SLC38A11: variants seen among roughly 807,000 people sequenced by gnomAD.
SLC38A11 encodes solute carrier family 38 member 11.
Under a neutral mutation model 49.4 loss-of-function variants are expected in SLC38A11, and 51 were observed. That is an observed-to-expected ratio of 1.03 (90% CI 0.83 to 1.30). The LOEUF (loss-of-function observed/expected upper bound fraction) is 1.30, where lower values mean the gene tolerates loss of function less well. Ranked by LOEUF, SLC38A11 falls within the 50% of genes most tolerant of loss-of-function variation. SLC38A11 has a pLI of 0.00. For missense variants in SLC38A11, 574 were observed against 556.2 expected, an observed-to-expected ratio of 1.03 and a Z score of -0.32; for synonymous variants, 203 against 192.9, an observed-to-expected ratio of 1.05 and a Z score of -0.43.
In SLC38A11 at chr2:164,939,563, C is replaced by T; in HGVS notation, c.431-7G>A. 5 of 1,573,654 alleles carry T rather than the reference C, an allele frequency of 3.2e-6. No individual in the cohort carries two copies. Among genetic ancestry groups the T allele is most frequent in the South Asian group, 2.2e-5 (2 of 89,416 alleles). ...AACACGTTTTCAGGATCAACTAAAA[C>T]ACAATAAATATTATTAAATGTTACA... On this transcript the variant is annotated splice_region_variant and splice_polypyrimidine_tract_variant and intron_variant, in intron 5 of 11. Coordinates refer to ENST00000685975, the MANE Select transcript of SLC38A11 (RefSeq NM_001351537.2).
chr2:164,929,322 T>G (rs1686821562), intron 7 of SLC38A11, among the ~76,000 whole-genome samples: 1 of 152,092 alleles, frequency 6.6e-6, no homozygotes, highest in Non-Finnish European at 1.5e-5. Context: ...TTATTTCAAG[T>G]GCTTTAGTTG....
At chr2:164,927,666 G>A (rs56199066) in intron 7 of SLC38A11, among the ~76,000 whole-genome samples, 11,139 of 151,812 alleles carry the variant, frequency 0.073, 442 homozygotes, top group Admixed American at 0.1. Context: ...CCAACTTCCC[G>A]TCCCCCATGT....
intron 3 of SLC38A11, among the ~76,000 whole-genome samples, chr2:164,947,481 G>T (rs1688217820): frequency 6.6e-6 from 1 of 151,960 alleles, no homozygotes; most frequent in South Asian, 2.1e-4. Context: ...TTATGCTGTG[G>T]TTGCAATTTT....
At chr2:164,928,215 C>G (rs1011509183) in intron 7 of SLC38A11, among the ~76,000 whole-genome samples, 1 of 152,206 alleles carries the variant, frequency 6.6e-6, no homozygotes, top group Non-Finnish European at 1.5e-5. Context: ...ACCACTAGCT[C>G]TAACAGTGAG....
chr2:164,950,662 TCAA>T (rs1269848540), intron 3 of SLC38A11, among the ~76,000 whole-genome samples: 3 of 152,192 alleles, frequency 2.0e-5, no homozygotes, highest in African/African-American at 7.2e-5. Context: ...TTTATGTTAA[TCAA>T]CAAATTTGAA....
chr2:164,940,960 T>C (rs572094501), intron 5 of SLC38A11, among the ~76,000 whole-genome samples: 1 of 152,032 alleles, frequency 6.6e-6, no homozygotes, highest in African/African-American at 2.4e-5. Context: ...ACCAAATTAT[T>C]TGTGTATCTA....
At chr2:164,941,029 C>T (rs915123396) in intron 5 of SLC38A11, among the ~76,000 whole-genome samples, 2 of 151,914 alleles carry the variant, frequency 1.3e-5, no homozygotes, top group Admixed American at 6.6e-5. Context: ...GCTAGATAAA[C>T]GCTGACACAG....
chr2:164,952,753 C>A lies in SLC38A11; in HGVS notation c.183G>T (p.Gly61=). 6.2e-7 allele frequency: 1 copy of A among 1,606,508 alleles called. No homozygotes were observed. Among genetic ancestry groups the A allele is most frequent in the African/African-American group, 1.3e-5 (1 of 74,286 alleles). The change falls in exon 3 of 12, where the codon GGG becomes GGT. Residue 61 remains glycine, a synonymous_variant. Coordinates refer to ENST00000685975, the MANE Select transcript of SLC38A11 (RefSeq NM_001351537.2). ...ATAAAAGCAATATTCCCAAAGGAAA[C>A]CCAGCTTGCTTCATTGAATAAGGCA... ...IGLPYSMKQA[G]FPLGILLLFW... is the part of the protein sequence containing the mutation.
At chr2:164,935,208 T>C (rs1178470748) in intron 7 of SLC38A11, among the ~76,000 whole-genome samples, 2 of 151,868 alleles carry the variant, frequency 1.3e-5, no homozygotes, top group African/African-American at 4.8e-5. Context: ...AGTAAGCCCT[T>C]TGTCCATTGT....
At chr2:164,900,320 T>C (rs1299741902) in intron 11 of SLC38A11, among the ~76,000 whole-genome samples, 2 of 152,050 alleles carry the variant, frequency 1.3e-5, no homozygotes, top group African/African-American at 2.4e-5. Context: ...ATACCCAGAA[T>C]AGAGATTCCT....
At chr2:164,919,115 T>C (rs901111172) in intron 7 of SLC38A11, among the ~76,000 whole-genome samples, 3 of 152,064 alleles carry the variant, frequency 2.0e-5, no homozygotes, top group African/African-American at 7.2e-5. Flanking sequence ...GGCAGAAGGA[T>C]TGCTTTGAGT....
intron 7 of SLC38A11, among the ~76,000 whole-genome samples, chr2:164,921,257 G>A (rs558335168): frequency 1.3e-5 from 2 of 152,052 alleles, no homozygotes; most frequent in South Asian, 4.2e-4. Flanking sequence ...TTTGGTAGGA[G>A]GCTACTCTAT....
At chr2:164,906,370 C>G (rs2105449230) in intron 11 of SLC38A11, among the ~76,000 whole-genome samples, 1 of 152,262 alleles carries the variant, frequency 6.6e-6, no homozygotes, top group East Asian at 1.9e-4. Flanking sequence ...CATCTTGTGT[C>G]TAAGAATATT....
At chr2:164,920,115 A>T (rs1468437966) in intron 7 of SLC38A11, among the ~76,000 whole-genome samples, 4 of 152,082 alleles carry the variant, frequency 2.6e-5, no homozygotes. Context: ...CTGTACTAAA[A>T]ATACAAAAAT....
At chr2:164,908,333 AT>A (rs1460043765) in intron 11 of SLC38A11, among the ~76,000 whole-genome samples, 10 of 152,074 alleles carry the variant, frequency 6.6e-5, no homozygotes, top group Non-Finnish European at 1.5e-5. Flanking sequence ...GGATCAGATA[AT>A]TTTTTGCTGT....
In SLC38A11 at chr2:164,937,385, A is replaced by G; in HGVS notation, c.582T>C (p.Ile194=). ...STGLTTLILG[I]VMARAISLGP... Reference sequence around the variant, plus strand: ...CCAGTGAAATTGCCCTTGCCATTACAATTCCAAGAATCAGAGTTGTTAAAC... The same window carrying G: ...CCAGTGAAATTGCCCTTGCCATTACGATTCCAAGAATCAGAGTTGTTAAAC... The change falls in exon 7 of 12, where the codon ATT becomes ATC. Residue 194 remains isoleucine, a synonymous_variant. Coordinates refer to ENST00000685975, the MANE Select transcript of SLC38A11 (RefSeq NM_001351537.2). 6.2e-7 allele frequency: 1 copy of G among 1,612,202 alleles called. No individual in the cohort carries two copies. Among genetic ancestry groups the G allele is most frequent in the Non-Finnish European group, 8.5e-7 (1 of 1,178,574 alleles).
intron 11 of SLC38A11, among the ~76,000 whole-genome samples, chr2:164,900,480 G>C (rs571654778): frequency 6.6e-6 from 1 of 151,886 alleles, no homozygotes; most frequent in Non-Finnish European, 1.5e-5. Flanking sequence ...TGGTCTTTTT[G>C]ATCATAGCCA....
rs138491284 is a variant in SLC38A11, at chr2:164,939,509, A to G, written c.478T>C (p.Ser160Pro). 420 of 1,610,878 alleles carry G rather than the reference A, an allele frequency of 2.6e-4. No homozygotes were observed. In the Middle Eastern group the frequency reaches 4.8e-3, roughly 18 times the overall value. The part of the protein sequence containing the change: ...FIGRHFIIGL[S>P]TVTFTLPLSL... ...AAAGGCAGAGTAAAGGTAACTGTGG[A>G]AAGTCCAATAATGAAGTGGCGACCA... is the stretch of plus-strand genomic sequence containing the variant. The change falls in exon 6 of 12, where the codon TCC becomes CCC. Residue 160 changes from serine (S) to proline (P), a missense_variant. Physicochemically the swap from Ser to Pro is moderately conservative, Grantham distance 74. Transcript: ENST00000685975.
intron 3 of SLC38A11, among the ~76,000 whole-genome samples, chr2:164,951,920 G>C (rs893277086): frequency 2.0e-5 from 3 of 152,134 alleles, no homozygotes; most frequent in Non-Finnish European, 4.4e-5. Flanking sequence ...GCACTAGCTG[G>C]TAAAAGGGCA....
Sources: allele counts gnomAD v4.1 joint callset (sites outside exome capture counted in the v4.1 genomes callset), GRCh38; gene constraint gnomAD v4.1.1; transcripts MANE v1.5; gene names NCBI Gene and HGNC (gene_info 2026-07-23, HGNC 2026-07-21).